The following ABCA13 variants were observed in gnomAD, a reference collection of about 807,000 sequenced individuals.
ABCA13 encodes ATP-binding cassette sub-family A member 13.
In ABCA13, 476 loss-of-function variants were observed where a neutral mutation model predicts 478.7. That is an observed-to-expected ratio of 0.99 (90% CI 0.92 to 1.07). The LOEUF is 1.07. Ranked by LOEUF, ABCA13 falls within the 50% of genes least tolerant of loss-of-function variation. The probability of loss-of-function intolerance (pLI) is 0.00; values close to 1 mark genes in which losing one functional copy is unlikely to be tolerated. For synonymous variants in ABCA13, 2,252 were observed against 2,158.9 expected, an observed-to-expected ratio of 1.04 and a Z score of -1.20; for missense variants, 6,060 against 5,910.6, an observed-to-expected ratio of 1.03 and a Z score of -0.83.
Position 48,234,126 on chromosome 7 carries a change from T to C in ABCA13, c.872T>C (p.Leu291Pro), listed in dbSNP as rs1441612163. ...GATGATCTTCACACGGAACAGATCC[T>C]GAACTCTTCAGCTGAACTGAAGGAG... Reference protein sequence around the residue: ...GFDDLHTEQILNSSAELKEIP... With the variant: ...GFDDLHTEQIPNSSAELKEIP... Residue 291 changes from leucine to proline, a missense_variant, in exon 8 of 62, where the codon CTG (leucine) becomes CCG (proline). Physicochemically the swap from Leu to Pro is moderately conservative, Grantham distance 98 (BLOSUM62 -3). Around this residue, in one of 3 missense-constraint regions of ABCA13, gnomAD observed 4,423 missense variants for 4,309.1 expected, o/e 1.03. Transcript: ENST00000435803. The C allele has an allele frequency of 1.2e-6, 2 of 1,613,970 alleles. No individual in the cohort carries two copies. Among genetic ancestry groups the C allele is most frequent in the Non-Finnish European group, 1.7e-6 (2 of 1,179,854 alleles).
rs1186553843 is a variant in ABCA13 at position 48,171,561 on chromosome 7, T to C, written c.69+9T>C. 2 of 1,536,210 alleles carry C rather than the reference T, an allele frequency of 1.3e-6. No homozygotes were observed. Among genetic ancestry groups the C allele is most frequent in the African/African-American group, 1.4e-5 (1 of 73,008 alleles). On this transcript the variant is annotated intron_variant, in intron 1 of 61. Coordinates refer to ENST00000435803, the MANE Select transcript of ABCA13 (RefSeq NM_152701.5). Reference sequence around the variant, plus strand: ...GCAGACTCAGGAACCCGGTGAGTGCTTGCCTTGGTTTTCCATAGGGTTCCA... The same window carrying C: ...GCAGACTCAGGAACCCGGTGAGTGCCTGCCTTGGTTTTCCATAGGGTTCCA...
At chr7:48,591,037 C>T (rs1342280402) in intron 57 of ABCA13, among the ~76,000 whole-genome samples, 1 of 151,738 alleles carries the variant, frequency 6.6e-6, no homozygotes. Context: ...AAAAAAGAAA[C>T]AAGCAAAACA....
chr7:48,376,153 C>T (rs1237598379), intron 34 of ABCA13, among the ~76,000 whole-genome samples: 1 of 152,100 alleles, frequency 6.6e-6, no homozygotes, highest in Non-Finnish European at 1.5e-5. Context: ...AAAGTCCTTT[C>T]TACTCAGGTA....
chr7:48,292,855 G>A (rs1798729848), intron 20 of ABCA13, among the ~76,000 whole-genome samples: 1 of 152,208 alleles, frequency 6.6e-6, no homozygotes. Flanking sequence ...GGAGGTAGGA[G>A]TTTTGTCTCC....
rs184637752 is a variant in ABCA13, at chr7:48,473,751, C to T, written c.12975+2152C>T. Among the ~76,000 whole-genome samples, 19 of 152,246 alleles carry T rather than the reference C, an allele frequency of 1.2e-4. No individual in the cohort carries two copies. In the East Asian group the frequency reaches 3.5e-3, roughly 28 times the overall value. ...TGTGACTGCTATCTCACTCCAGTGC[C>T]TCTCTGGGCCTGATTATTTAAAGGG... On this transcript the variant is annotated intron_variant, in intron 45 of 61. Transcript: ENST00000435803.
chr7:48,475,200 C>T (rs1353088940), intron 45 of ABCA13, among the ~76,000 whole-genome samples: 1 of 152,088 alleles, frequency 6.6e-6, no homozygotes, highest in African/African-American at 2.4e-5. Context: ...ATCAGAGAAC[C>T]TCAGGAGACA....
chr7:48,428,388 G>C (rs1477674489), intron 42 of ABCA13, among the ~76,000 whole-genome samples: 7 of 152,022 alleles, frequency 4.6e-5, no homozygotes, highest in Non-Finnish European at 2.9e-5. Context: ...ATCCAGATTT[G>C]GTATCTAGGT....
At chr7:48,559,103 T>A (rs1239118582) in intron 55 of ABCA13, among the ~76,000 whole-genome samples, 1 of 152,204 alleles carries the variant, frequency 6.6e-6, no homozygotes, top group Admixed American at 6.5e-5. Flanking sequence ...CATGTTTGTG[T>A]CATTCCCTTC....
At chr7:48,464,454 A>C (rs1826646913) in intron 43 of ABCA13, among the ~76,000 whole-genome samples, 1 of 152,202 alleles carries the variant, frequency 6.6e-6, no homozygotes, top group Non-Finnish European at 1.5e-5. Flanking sequence ...ATCTTTATTA[A>C]ATTTTATGCA....
At chr7:48,435,129 T>C (rs896666581) in intron 42 of ABCA13, among the ~76,000 whole-genome samples, 41 of 151,910 alleles carry the variant, frequency 2.7e-4, no homozygotes, top group African/African-American at 9.4e-4. Context: ...AGTTTTCCAA[T>C]CCATGAACAT....
At chr7:48,627,133 T>C in intron 59 of ABCA13, 1 of 802,918 alleles carries the variant, frequency 1.2e-6, no homozygotes. Flanking sequence ...CTTTATTACG[T>C]AATGGCTATT....
chr7:48,406,657 G>A (rs921111816), intron 39 of ABCA13, among the ~76,000 whole-genome samples: 3 of 152,066 alleles, frequency 2.0e-5, no homozygotes, highest in Non-Finnish European at 4.4e-5. Context: ...TGGATCACTT[G>A]AACTCAGGAG....
At chr7:48,244,547 T>A in intron 10 of ABCA13, 29 bp from the exon 11 acceptor site, 5 of 1,599,972 alleles carry the variant, frequency 3.1e-6, no homozygotes, top group Non-Finnish European at 4.3e-6. Context: ...ACTTTTCATT[T>A]TATTTCATTT....
intron 42 of ABCA13, among the ~76,000 whole-genome samples, chr7:48,444,004 C>A (rs1411160075): frequency 6.6e-6 from 1 of 152,038 alleles, no homozygotes; most frequent in Non-Finnish European, 1.5e-5. Context: ...CTTCCTGTTA[C>A]AGGAGGAAAC....
At chr7:48,210,346 A>G (rs1785474486) in intron 3 of ABCA13, among the ~76,000 whole-genome samples, 1 of 152,152 alleles carries the variant, frequency 6.6e-6, no homozygotes, top group Non-Finnish European at 1.5e-5. Flanking sequence ...AGTCCCTCCC[A>G]CAACACATAG....
chr7:48,240,534 A>T (rs111478735), intron 9 of ABCA13, among the ~76,000 whole-genome samples: 5 of 152,214 alleles, frequency 3.3e-5, no homozygotes, highest in African/African-American at 1.2e-4. Flanking sequence ...AAATATATTT[A>T]TGCTATCCTA....
At chr7:48,225,701 A>G (rs527741902) in intron 5 of ABCA13, among the ~76,000 whole-genome samples, 17 of 152,094 alleles carry the variant, frequency 1.1e-4, no homozygotes, top group Middle Eastern at 3.4e-3. Flanking sequence ...TCGTGATTGC[A>G]TTTGGGGTTT....
At chr7:48,587,003 A>G in intron 56 of ABCA13, 151 bp from the exon 57 acceptor site, 1 of 1,006,226 alleles carries the variant, frequency 9.9e-7, no homozygotes, top group African/African-American at 1.6e-5. Flanking sequence ...CCTGTATGGT[A>G]AAGGGGGATG....
chr7:48,202,136 C>T (rs1017498307), intron 3 of ABCA13, among the ~76,000 whole-genome samples: 2 of 152,172 alleles, frequency 1.3e-5, no homozygotes, highest in African/African-American at 4.8e-5. Flanking sequence ...TTGCAAGGAA[C>T]GAAAGAACAA....
Sources: allele counts gnomAD v4.1 joint callset (sites outside exome capture counted in the v4.1 genomes callset), GRCh38; gene constraint gnomAD v4.1.1; regional missense constraint gnomAD v4.1.1; transcripts MANE v1.5; gene names NCBI Gene and HGNC (gene_info 2026-07-23, HGNC 2026-07-21).